The following CECR2 variants were observed in gnomAD, a reference collection of about 807,000 sequenced individuals.
CECR2 encodes CECR2 histone acetyl-lysine reader.
A neutral mutation model predicts 154.5 loss-of-function variants in CECR2; 30 were observed. The ratio of observed to expected loss-of-function variants is 0.19; its 90% CI spans 0.15 to 0.26. The LOEUF (loss-of-function observed/expected upper bound fraction) is 0.26, where lower values mean the gene tolerates loss of function less well. Among genes scored for constraint, CECR2 ranks in the 10% least tolerant of loss-of-function variants. CECR2 has a pLI of 1.00. For missense variants in CECR2, 1,743 were observed against 1,829.3 expected (o/e 0.95, Z 0.86); for synonymous variants, 725 against 683.7 (o/e 1.06, Z -0.94).
chr22:17,463,813 A>G (rs567122629), intron 1 of CECR2, among the ~76,000 whole-genome samples: 2 of 152,194 alleles, frequency 1.3e-5, no homozygotes, highest in South Asian at 4.1e-4. Flanking sequence ...TGAAAGAGCT[A>G]TCAAGAGTCA....
intron 18 of CECR2, among the ~76,000 whole-genome samples, chr22:17,552,458 T>A (rs1049717623): frequency 3.9e-5 from 6 of 152,182 alleles, no homozygotes; most frequent in African/African-American, 1.4e-4. Flanking sequence ...ACCTTTCTCA[T>A]TGGAGAGAGA....
Position 17,410,231 on chromosome 22 carries a change from G to A in CECR2, c.126+40322G>A, listed in dbSNP as rs1001185569. On this transcript the variant is annotated intron_variant, in intron 1 of 18. Coordinates refer to ENST00000262608, the MANE Select transcript of CECR2 (RefSeq NM_001290047.2). Reference sequence around the variant, plus strand: ...TGACCTCAAGTGATCTGCCCACCTCGGCCTCCCAGAGTGCTGGGATTACAG... The same window carrying A: ...TGACCTCAAGTGATCTGCCCACCTCAGCCTCCCAGAGTGCTGGGATTACAG... 2.6e-5 allele frequency among the ~76,000 whole-genome samples: 4 copies of A among 151,728 alleles called. 1 individual carries two copies. The highest frequency in any genetic ancestry group is 4.4e-5 in the Non-Finnish European group (3 of 67,944).
chr22:17,540,005 C>A (rs547319289), intron 13 of CECR2, among the ~76,000 whole-genome samples: 96 of 152,230 alleles, frequency 6.3e-4, no homozygotes, highest in Non-Finnish European at 9.0e-4. Context: ...CTAATGTTTT[C>A]TTTTTGGTAG....
intron 1 of CECR2, chr22:17,419,803 G>C (rs2054217679): frequency 3.6e-6 from 1 of 277,354 alleles, no homozygotes. Context: ...AAAAAATTTG[G>C]TGCTCAGAAT....
At chr22:17,367,144 G>A (rs542239567), upstream of CECR2, among the ~76,000 whole-genome samples, 7 of 152,270 alleles carry the variant, frequency 4.6e-5, no homozygotes, top group South Asian at 1.5e-3. Flanking sequence ...AGTAGGCGGA[G>A]GAGGCAGGAA....
At chr22:17,401,150 C>G (rs146071602) in intron 1 of CECR2, among the ~76,000 whole-genome samples, 1 of 152,046 alleles carries the variant, frequency 6.6e-6, no homozygotes, top group South Asian at 2.1e-4. Flanking sequence ...TTCATCTCCC[C>G]TAAAGAAAGA....
chr22:17,422,605 T>G (rs2054272950), intron 1 of CECR2, among the ~76,000 whole-genome samples: 1 of 152,150 alleles, frequency 6.6e-6, no homozygotes, highest in Non-Finnish European at 1.5e-5. Flanking sequence ...TTTTAAATAT[T>G]TCTTCTCTTC....
intron 9 of CECR2, chr22:17,524,941 A>T (rs2056233567): frequency 5.3e-6 from 2 of 377,408 alleles, no homozygotes; most frequent in Admixed American, 5.7e-5. Flanking sequence ...TGCTGGGATT[A>T]CAGGCGTGAG....
chr22:17,549,874 C>T lies in CECR2; in HGVS notation c.4277+310C>T, dbSNP rs539538824. 2.3e-3 allele frequency among the ~76,000 whole-genome samples: 348 copies of T among 148,830 alleles called. 3 individuals are homozygous for T. Among genetic ancestry groups the T allele is most frequent in the Middle Eastern group, 0.014 (4 of 282 alleles). On this transcript the variant is annotated intron_variant, in intron 17 of 18. Transcript: ENST00000262608. The stretch of plus-strand genomic sequence containing the variant: ...CTCCTGAGCGCAAGTCATCCTCCTG[C>T]CTCAGCCTGTCAAAGTGCTGAGATT...
chr22:17,428,261 A>G (rs1007217294), intron 1 of CECR2: 6 of 152,156 alleles, frequency 3.9e-5, no homozygotes, highest in Admixed American at 1.3e-4. Flanking sequence ...GGGGAACACA[A>G]ATTGTTAATG....
intron 12 of CECR2, 56 bp from the exon 13 acceptor site, chr22:17,538,937 A>C: frequency 6.4e-7 from 1 of 1,572,170 alleles, no homozygotes; most frequent in Non-Finnish European, 8.7e-7. Context: ...CTCTCTCTCT[A>C]TGGAATGTTT....
chr22:17,379,667 T>A (rs1569042668), intron 1 of CECR2, among the ~76,000 whole-genome samples: 1 of 151,814 alleles, frequency 6.6e-6, no homozygotes, highest in East Asian at 1.9e-4. Flanking sequence ...TCCGTCAGAA[T>A]TTTCAGTGTA....
chr22:17,377,803 G>A (rs2063134666), intron 1 of CECR2, among the ~76,000 whole-genome samples: 1 of 152,120 alleles, frequency 6.6e-6, no homozygotes, highest in South Asian at 2.1e-4. Flanking sequence ...AAAACTTGGG[G>A]ACAGTCATTT....
intron 3 of CECR2, among the ~76,000 whole-genome samples, chr22:17,498,673 A>G (rs771325343): frequency 2.0e-5 from 3 of 152,214 alleles, no homozygotes; most frequent in Non-Finnish European, 4.4e-5. Flanking sequence ...GTGAGAGGTC[A>G]CAGGAGGTTA....
intron 1 of CECR2, among the ~76,000 whole-genome samples, chr22:17,381,252 A>G (rs2063185054): frequency 6.6e-6 from 1 of 152,144 alleles, no homozygotes; most frequent in Admixed American, 6.5e-5. Context: ...GTTCTGAAAG[A>G]CTTTCCCCCC....
intron 8 of CECR2, among the ~76,000 whole-genome samples, chr22:17,515,677 CTTT>C (rs35782642): frequency 2.8e-5 from 4 of 140,508 alleles, no homozygotes; most frequent in Non-Finnish European, 4.7e-5. Context: ...CACTACCAAC[CTTT>C]TTTTTTTTTT....
At chr22:17,447,033 C>CTGGTTTTTTTTTTTTTTT (rs1339121774) in intron 1 of CECR2, among the ~76,000 whole-genome samples, 11 of 114,110 alleles carry the variant, frequency 9.6e-5, no homozygotes, top group Admixed American at 3.8e-4. Flanking sequence ...CGTTTACAAT[C>CTGGTTTTTTTTTTTTTTT]TTTTTTTTTT....
chr22:17,468,143 G>C (rs1336971061), intron 1 of CECR2, among the ~76,000 whole-genome samples: 4 of 151,542 alleles, frequency 2.6e-5, no homozygotes, highest in African/African-American at 9.8e-5. Flanking sequence ...TTAAGAAAAA[G>C]GGATTTGTGG....
chr22:17,454,622 C>T (rs5746404), intron 1 of CECR2, among the ~76,000 whole-genome samples: 15,117 of 149,050 alleles, frequency 0.1, 935 homozygotes, highest in South Asian at 0.25. Context: ...AAAAAAAAAC[C>T]CTGCAGCTGG....
Sources: allele counts gnomAD v4.1 joint callset (sites outside exome capture counted in the v4.1 genomes callset), GRCh38; gene constraint gnomAD v4.1.1; transcripts MANE v1.5; gene names NCBI Gene and HGNC (gene_info 2026-07-23, HGNC 2026-07-21).